FARP1: variants seen among roughly 807,000 people sequenced by gnomAD.
The protein encoded by FARP1 is FERM, ARHGEF and pleckstrin domain-containing protein 1.
Under a neutral mutation model 128.8 loss-of-function variants are expected in FARP1, and 52 were observed. That is an observed-to-expected ratio of 0.40 (90% CI 0.32 to 0.51). The LOEUF is 0.51. Among genes scored for constraint, FARP1 ranks in the 20% least tolerant of loss-of-function variants. The probability of loss-of-function intolerance (pLI) is 0.45; values close to 1 mark genes in which losing one functional copy is unlikely to be tolerated. For synonymous variants in FARP1, 580 were observed against 551.8 expected, an observed-to-expected ratio of 1.05 and a Z score of -0.72; for missense variants, 1,333 against 1,367.9, an observed-to-expected ratio of 0.97 and a Z score of 0.40.
intron 2 of FARP1, among the ~76,000 whole-genome samples, chr13:98,249,233 G>A (rs962421594): frequency 1.3e-5 from 2 of 152,094 alleles, no homozygotes; most frequent in African/African-American, 2.4e-5. Flanking sequence ...TCATTTAGAC[G>A]AATAGGAATT....
Position 98,409,832 on chromosome 13 carries a change from CA to C in FARP1, c.1602+308del, listed in dbSNP as rs1891122840. On this transcript the variant is annotated intron_variant, in intron 14 of 26. Coordinates refer to ENST00000319562, the MANE Select transcript of FARP1 (RefSeq NM_005766.4). ...ATGAATTTGCCTACTCTAGGTACCT[CA>C]TATAAGCAGAATCACCCAGTATTTG... Among the ~76,000 whole-genome samples, 5 of 152,346 alleles carry C rather than the reference CA, an allele frequency of 3.3e-5. No homozygotes were observed. In the South Asian group the frequency reaches 1.0e-3, roughly 32 times the overall value.
intron 3 of FARP1, among the ~76,000 whole-genome samples, chr13:98,361,931 C>T (rs530380046): frequency 4.9e-4 from 75 of 152,214 alleles, no homozygotes; most frequent in African/African-American, 1.8e-3. Flanking sequence ...ATTTTTAACC[C>T]CTCCCTTTCT....
Position 98,384,663 on chromosome 13 carries a change from G to A in FARP1, c.497-67G>A, listed in dbSNP as rs188364826. ...TCTGCTAGCTTCTGTTTGGCTCACT[G>A]GGGAATATTGACAAACTGGGAAGTG... is the stretch of plus-strand genomic sequence containing the variant. On this transcript the variant is annotated intron_variant, in intron 6 of 26. Coordinates refer to ENST00000319562, the MANE Select transcript of FARP1 (RefSeq NM_005766.4). The A allele has an allele frequency of 2.5e-4, 238 of 953,436 alleles. 2 individuals carry two copies. In the African/African-American group the frequency reaches 3.2e-3, roughly 13 times the overall value. 59.1% of individuals were successfully genotyped at this position (953,436 alleles called of 1,614,324 possible).
intron 24 of FARP1, among the ~76,000 whole-genome samples, chr13:98,442,767 C>G (rs1426620592): frequency 6.6e-6 from 1 of 152,214 alleles, no homozygotes; most frequent in Non-Finnish European, 1.5e-5. Context: ...CATCAGATCT[C>G]ACCTGTGGGC....
rs559363874 is a variant in FARP1, at chr13:98,453,101, G to C, written c.*4784G>C. ...TTCGGTGGAGTCAGCGAAGGCTCTCGTTGACTTTTAAAAAAGGAGGAGGAT... is the reference window on the plus strand; with the variant it reads ...TTCGGTGGAGTCAGCGAAGGCTCTCCTTGACTTTTAAAAAAGGAGGAGGAT... On this transcript the variant is annotated 3_prime_UTR_variant, in exon 27 of 27. Transcript: ENST00000319562. The C allele has an allele frequency of 6.3e-7, 1 of 1,581,078 alleles. No homozygotes were observed. The highest frequency in any genetic ancestry group is 8.7e-7 in the Non-Finnish European group (1 of 1,154,704).
chr13:98,263,912 C>T lies in FARP1; in HGVS notation c.171+50499C>T, dbSNP rs564312436. Among the ~76,000 whole-genome samples, 14 of 152,284 alleles carry T rather than the reference C, an allele frequency of 9.2e-5. 1 individual carries two copies. In the East Asian group the frequency reaches 1.2e-3, roughly 13 times the overall value. ...TCCAGCTAGTTTGGAAATACAATGACTTGTTATAACCGTTGGAGCATCCTT... is the reference window on the plus strand; with the variant it reads ...TCCAGCTAGTTTGGAAATACAATGATTTGTTATAACCGTTGGAGCATCCTT... On this transcript the variant is annotated intron_variant, in intron 2 of 26. Coordinates refer to ENST00000319562, the MANE Select transcript of FARP1 (RefSeq NM_005766.4).
chr13:98,374,952 C>T (rs1162147359), intron 5 of FARP1, among the ~76,000 whole-genome samples: 1 of 152,176 alleles, frequency 6.6e-6, no homozygotes, highest in Non-Finnish European at 1.5e-5. Flanking sequence ...TGAGAACTCA[C>T]TCACCCCCAA....
intron 1 of FARP1, among the ~76,000 whole-genome samples, chr13:98,184,755 T>TA (rs1415518564): frequency 6.6e-6 from 1 of 152,236 alleles, no homozygotes; most frequent in Non-Finnish European, 1.5e-5. Context: ...GACTTGTTTT[T>TA]AAAAAGATTG....
At chr13:98,249,096 C>T (rs1210566346) in intron 2 of FARP1, among the ~76,000 whole-genome samples, 4 of 152,068 alleles carry the variant, frequency 2.6e-5, no homozygotes, top group African/African-American at 9.7e-5. Flanking sequence ...ATCTCAGAAT[C>T]TAATCTTGTA....
chr13:98,301,746 C>A (rs1437630046), intron 2 of FARP1, among the ~76,000 whole-genome samples: 1 of 152,242 alleles, frequency 6.6e-6, no homozygotes, highest in Admixed American at 6.5e-5. Context: ...CAGAGGGATA[C>A]TTAACTTGCC....
At chr13:98,392,599 C>T (rs546109750) in intron 11 of FARP1, among the ~76,000 whole-genome samples, 1 of 151,998 alleles carries the variant, frequency 6.6e-6, no homozygotes, top group African/African-American at 2.4e-5. Context: ...TTTTTTAATA[C>T]TACCTTTTTT....
Position 98,424,596 on chromosome 13 carries a change from CAG to C in FARP1, c.1855_1856del (p.Asp619LeufsTer50). Reference protein sequence around the residue: ...LWEGRSNAQIRDYQRIGDVML... With the variant: ...LWEGRSNAQIXDYQRIGDVML... ...GGGAAGGCCGCTCAAATGCCCAAAT[CAG>C]AGATTACCAAAGAATCGGCGATGTC... On this transcript the variant is annotated frameshift_variant, in exon 17 of 27. Coordinates refer to ENST00000319562, the MANE Select transcript of FARP1 (RefSeq NM_005766.4). LOFTEE classifies it high-confidence loss of function. 2 of 1,613,786 alleles carry C rather than the reference CAG, an allele frequency of 1.2e-6. No individual in the cohort carries two copies. The highest frequency in any genetic ancestry group is 1.7e-6 in the Non-Finnish European group (2 of 1,179,676).
intron 5 of FARP1, among the ~76,000 whole-genome samples, chr13:98,377,309 AAAAAAG>A (rs1461286757): frequency 6.6e-6 from 1 of 151,906 alleles, no homozygotes; most frequent in African/African-American, 2.4e-5. Flanking sequence ...TCAAAAAAAA[AAAAAAG>A]AAAAGAAAAT....
At chr13:98,368,047 GTC>G (rs1889173720) in intron 4 of FARP1, 68 bp from the exon 5 acceptor site, 15 of 1,240,052 alleles carry the variant, frequency 1.2e-5, no homozygotes, top group Admixed American at 9.2e-5. Flanking sequence ...TATTTGTAAA[GTC>G]TTTTTCTTTA....
At chr13:98,308,843 G>A (rs935291523) in intron 2 of FARP1, among the ~76,000 whole-genome samples, 2 of 151,422 alleles carry the variant, frequency 1.3e-5, no homozygotes, top group Non-Finnish European at 2.9e-5. Context: ...CTGATTTTTT[G>A]TATTTTTGGG....
At chr13:98,325,025 G>T (rs1412742811) in intron 2 of FARP1, among the ~76,000 whole-genome samples, 1 of 152,218 alleles carries the variant, frequency 6.6e-6, no homozygotes, top group Non-Finnish European at 1.5e-5. Context: ...ATTGGATAGA[G>T]AATGTGAAAT....
At chr13:98,172,288 A>T (rs574892735) in intron 1 of FARP1, among the ~76,000 whole-genome samples, 1 of 151,744 alleles carries the variant, frequency 6.6e-6, no homozygotes, top group East Asian at 1.9e-4. Flanking sequence ...CTTGGAAGGC[A>T]GGAGAAACTG....
intron 2 of FARP1, among the ~76,000 whole-genome samples, chr13:98,291,883 T>C (rs1445569100): frequency 2.6e-5 from 4 of 152,224 alleles, no homozygotes; most frequent in Admixed American, 2.6e-4. Context: ...CCCCTGCATT[T>C]TCTTGGAGAG....
At chr13:98,380,546 A>G (rs1040809618) in intron 6 of FARP1, among the ~76,000 whole-genome samples, 1 of 152,188 alleles carries the variant, frequency 6.6e-6, no homozygotes, top group African/African-American at 2.4e-5. Context: ...ATGTGTACAT[A>G]TATCAAAAGA....
Sources: allele counts gnomAD v4.1 joint callset (sites outside exome capture counted in the v4.1 genomes callset), GRCh38; gene constraint gnomAD v4.1.1; transcripts MANE v1.5; gene names NCBI Gene and HGNC (gene_info 2026-07-23, HGNC 2026-07-21).